MME: variants seen among roughly 807,000 people sequenced by gnomAD.
MME encodes the protein membrane metalloendopeptidase.
MME carries 98 observed loss-of-function variants against 113.2 expected under a neutral mutation model. That is an observed-to-expected ratio of 0.87 (90% CI 0.74 to 1.02). The LOEUF is 1.02. Ranked by LOEUF, MME falls within the 50% of genes least tolerant of loss-of-function variation. MME has a pLI of 0.00. For synonymous variants in MME, 292 were observed against 300.6 expected, an observed-to-expected ratio of 0.97 and a Z score of 0.30; for missense variants, 836 against 896.0, an observed-to-expected ratio of 0.93 and a Z score of 0.86.
rs2108366688 is a variant in MME, at chr3:155,168,643, T to C, written c.1914+18T>C. 3.7e-6 allele frequency: 6 copies of C among 1,613,790 alleles called. No individual in the cohort carries two copies. The highest frequency in any genetic ancestry group is 5.1e-6 in the Non-Finnish European group (6 of 1,179,812). On this transcript the variant is annotated intron_variant, in intron 19 of 22. Coordinates refer to ENST00000360490, the MANE Select transcript of MME (RefSeq NM_007289.4). ...GACAGCACGTATGTCATTAGCATTCTCTTGAAAAGTTTTAGACATGTTCAA... is the reference window on the plus strand; with the variant it reads ...GACAGCACGTATGTCATTAGCATTCCCTTGAAAAGTTTTAGACATGTTCAA...
chr3:155,071,351 A>G (rs1484994500), intron 1 of MME, among the ~76,000 whole-genome samples: 1 of 152,192 alleles, frequency 6.6e-6, no homozygotes, highest in Non-Finnish European at 1.5e-5. Flanking sequence ...CACATGGAAC[A>G]GTTTAGCCAG....
chr3:155,039,048 T>G (rs1220960865), intron 1 of MME, among the ~76,000 whole-genome samples: 1 of 152,196 alleles, frequency 6.6e-6, no homozygotes, highest in Non-Finnish European at 1.5e-5. Flanking sequence ...TGTGATCTTC[T>G]TATTTTAACC....
At chr3:155,144,666 A>C (rs768614764) in intron 14 of MME, among the ~76,000 whole-genome samples, 7 of 152,162 alleles carry the variant, frequency 4.6e-5, no homozygotes, top group Non-Finnish European at 5.9e-5. Context: ...TACTCTAGCA[A>C]GGTGAAAATA....
intron 1 of MME, among the ~76,000 whole-genome samples, chr3:155,031,203 A>T (rs980435613): frequency 1.3e-5 from 2 of 152,168 alleles, no homozygotes; most frequent in African/African-American, 2.4e-5. Context: ...AAAGGGTATC[A>T]TCTGATATTA....
Position 155,140,285 on chromosome 3 carries a change from A to T in MME, c.950A>T (p.Asn317Ile). ...QIQNNFSLEINGKPFSWLNFT... is the reference protein window; with the variant it reads ...QIQNNFSLEIIGKPFSWLNFT... Reference sequence around the variant, plus strand: ...CAAAATAACTTTTCACTAGAGATCAATGGGAAGGTAAGTGGTAAGTTTTTT... The same window carrying T: ...CAAAATAACTTTTCACTAGAGATCATTGGGAAGGTAAGTGGTAAGTTTTTT... The change falls in exon 10 of 23, where the codon AAT becomes ATT. Residue 317 changes from asparagine to isoleucine, a missense_variant. Physicochemically the swap from Asn to Ile is moderately radical, Grantham distance 149. Coordinates refer to ENST00000360490, the MANE Select transcript of MME (RefSeq NM_007289.4). The T allele has an allele frequency of 1.2e-6, 2 of 1,604,824 alleles. No homozygotes were observed. Among genetic ancestry groups the T allele is most frequent in the Non-Finnish European group, 1.7e-6 (2 of 1,171,988 alleles).
chr3:155,109,643 G>A (rs889686478), intron 3 of MME, among the ~76,000 whole-genome samples: 1 of 152,002 alleles, frequency 6.6e-6, no homozygotes, highest in Non-Finnish European at 1.5e-5. Context: ...CTAATGTGGT[G>A]GTTCCCCCTG....
intron 1 of MME, among the ~76,000 whole-genome samples, chr3:155,063,949 T>A (rs141678979): frequency 0.017 from 2,510 of 151,218 alleles, 31 homozygotes; most frequent in East Asian, 0.031. Context: ...AGGTTAAATG[T>A]GGTGGTATGG....
At chr3:155,076,373 G>C (rs1383973454), upstream of MME, among the ~76,000 whole-genome samples, 1 of 152,156 alleles carries the variant, frequency 6.6e-6, no homozygotes, top group East Asian at 1.9e-4. Context: ...CACTTTGTAT[G>C]AAGTCCCTTG....
chr3:155,057,598 C>T (rs1009958047), intron 1 of MME, among the ~76,000 whole-genome samples: 2 of 152,070 alleles, frequency 1.3e-5, no homozygotes, highest in African/African-American at 4.8e-5. Context: ...GACTTGCCAG[C>T]CTCTGGTGCA....
chr3:155,119,804 C>T (rs1196701273), intron 8 of MME, among the ~76,000 whole-genome samples: 4 of 120,746 alleles, frequency 3.3e-5, no homozygotes, highest in African/African-American at 1.3e-4. Flanking sequence ...TTTCTTAATC[C>T]AGTCTATCAT....
At chr3:155,033,292 G>T (rs1427600454) in intron 1 of MME, among the ~76,000 whole-genome samples, 1 of 152,136 alleles carries the variant, frequency 6.6e-6, no homozygotes, top group African/African-American at 2.4e-5. Flanking sequence ...ATAAACTGCT[G>T]TGAACATGAT....
At chr3:155,026,355 A>G (rs936810733) in intron 1 of MME, among the ~76,000 whole-genome samples, 2 of 152,130 alleles carry the variant, frequency 1.3e-5, no homozygotes, top group African/African-American at 2.4e-5. Context: ...CTACCACTGA[A>G]TGGCTTTTTT....
intron 22 of MME, among the ~76,000 whole-genome samples, chr3:155,178,575 T>C (rs1439643571): frequency 1.3e-5 from 2 of 152,100 alleles, no homozygotes; most frequent in Non-Finnish European, 2.9e-5. Context: ...TGCTGGACTT[T>C]GGGGGTGCAG....
At chr3:155,051,471 A>G (rs1307709491) in intron 1 of MME, among the ~76,000 whole-genome samples, 1 of 152,168 alleles carries the variant, frequency 6.6e-6, no homozygotes, top group Non-Finnish European at 1.5e-5. Context: ...TCTGCGTGGC[A>G]AAGGAGGCCT....
At chr3:155,040,731 A>G (rs938264829) in intron 1 of MME, among the ~76,000 whole-genome samples, 18 of 152,122 alleles carry the variant, frequency 1.2e-4, no homozygotes, top group African/African-American at 4.3e-4. Context: ...ATAATATCAA[A>G]AAAAGACTGG....
At chr3:155,070,216 T>G (rs564364262) in intron 1 of MME, among the ~76,000 whole-genome samples, 7 of 152,346 alleles carry the variant, frequency 4.6e-5, no homozygotes, top group East Asian at 1.9e-4. Context: ...GTTTTAAAAT[T>G]TATGGTGCAT....
At chr3:155,054,368 C>G (rs922255855) in intron 1 of MME, among the ~76,000 whole-genome samples, 1 of 151,958 alleles carries the variant, frequency 6.6e-6, no homozygotes, top group Admixed American at 6.6e-5. Context: ...TCTCATGTTA[C>G]TGAGAGGAAT....
chr3:155,039,599 T>C (rs1713240207), intron 1 of MME, among the ~76,000 whole-genome samples: 1 of 152,170 alleles, frequency 6.6e-6, no homozygotes, highest in Non-Finnish European at 1.5e-5. Context: ...TCCATAAAAT[T>C]TGCCAATTAA....
At chr3:155,075,462 T>C (rs1181610083), upstream of MME, among the ~76,000 whole-genome samples, 1 of 152,182 alleles carries the variant, frequency 6.6e-6, no homozygotes, top group Non-Finnish European at 1.5e-5. Context: ...CATTTTATGT[T>C]ATACTTCCTA....
Sources: allele counts gnomAD v4.1 joint callset (sites outside exome capture counted in the v4.1 genomes callset), GRCh38; gene constraint gnomAD v4.1.1; transcripts MANE v1.5; gene names NCBI Gene and HGNC (gene_info 2026-07-23, HGNC 2026-07-21).